SFTPD: variants seen among roughly 807,000 people sequenced by gnomAD.
SFTPD encodes pulmonary surfactant-associated protein D.
Under a neutral mutation model 34.6 loss-of-function variants are expected in SFTPD, and 18 were observed. The ratio of observed to expected loss-of-function variants is 0.52; its 90% confidence interval spans 0.36 to 0.77. SFTPD has a LOEUF of 0.77. SFTPD is among the 30% of genes least tolerant of loss of function. The pLI, the probability that SFTPD is intolerant of heterozygous loss-of-function variation, is 0.00. For synonymous variants in SFTPD, 155 were observed against 180.9 expected (o/e 0.86, Z 1.15); for missense variants, 433 against 468.9 (o/e 0.92, Z 0.71).
chr10:79,959,808 A>T (rs942096622), intron 1 of SFTPD, among the ~76,000 whole-genome samples: 2 of 152,200 alleles, frequency 1.3e-5, no homozygotes, highest in African/African-American at 4.8e-5. Flanking sequence ...GGCCAGCATC[A>T]TCTTGATACC....
chr10:79,956,544 C>T (rs897464859), intron 1 of SFTPD, among the ~76,000 whole-genome samples: 2 of 152,392 alleles, frequency 1.3e-5, no homozygotes, highest in Admixed American at 6.5e-5. Context: ...CACGGAGTCT[C>T]GCTGATTGCT....
intron 1 of SFTPD, among the ~76,000 whole-genome samples, chr10:79,980,819 G>C (rs888054924): frequency 1.5e-4 from 23 of 152,310 alleles, no homozygotes; most frequent in African/African-American, 5.5e-4. Context: ...CGATTACGAC[G>C]CTCATTTCCC....
rs964711174 is a variant in SFTPD at position 79,946,537 on chromosome 10, G to A, written c.123C>T (p.Ser41=). The part of the protein sequence containing the change: ...MPSACTLVMC[S]SVESGLPGRD... ...GACCAGGCAGGCCACTCTCCACTGA[G>A]CTACACATGACCAGGGTGCAAGCAC... The change falls in exon 2 of 8, where the codon AGC becomes AGT. Residue 41 remains serine (S), a synonymous_variant. Coordinates refer to ENST00000372292, the MANE Select transcript of SFTPD (RefSeq NM_003019.5). 2 of 1,614,046 alleles carry A rather than the reference G, an allele frequency of 1.2e-6. No individual in the cohort carries two copies. The highest frequency in any genetic ancestry group is 2.7e-5 in the African/African-American group (2 of 74,924).
chr10:79,957,090 C>T (rs971916773), intron 1 of SFTPD, among the ~76,000 whole-genome samples: 2 of 151,958 alleles, frequency 1.3e-5, no homozygotes, highest in Non-Finnish European at 2.9e-5. Flanking sequence ...AGCTGAGGGT[C>T]CTATCTGTTA....
chr10:79,966,819 A>G lies in SFTPD; in HGVS notation c.36+15756T>C, dbSNP rs1842805428. Among the ~76,000 whole-genome samples, 2 of 146,132 alleles carry G rather than the reference A, an allele frequency of 1.4e-5. 1 individual carries two copies. The highest frequency in any genetic ancestry group is 5.2e-5 in the African/African-American group (2 of 38,270). On this transcript the variant is annotated intron_variant, in intron 1 of 5. Coordinates refer to the SFTPD transcript ENST00000444384. ...CTACATATGGCTAGCCAGTTTTCCC[A>G]GCACCATTTATTAAATAGGGAATCC... is the stretch of plus-strand genomic sequence containing the variant.
At chr10:79,963,912 A>G (rs1229255548) in intron 1 of SFTPD, among the ~76,000 whole-genome samples, 1 of 151,864 alleles carries the variant, frequency 6.6e-6, no homozygotes, top group Admixed American at 6.6e-5. Flanking sequence ...TTTTATCTGT[A>G]TCTCTCTAAT....
Position 79,942,001 on chromosome 10 carries a change from C to A in SFTPD, c.503G>T (p.Arg168Leu). 1 of 1,613,964 alleles carries A rather than the reference C, an allele frequency of 6.2e-7. No homozygotes were observed. Among genetic ancestry groups the A allele is most frequent in the Non-Finnish European group, 8.5e-7 (1 of 1,179,874 alleles). ...GACTCCACGCTCACCAGGGACACCT[C>A]GCTCTCCCTTAGGGCCTGCGAGGCC... The part of the protein sequence containing the change: ...ARGLAGPKGE[R>L]GVPGERGVPG... Residue 168 changes from arginine (R) to leucine (L), a missense_variant, in exon 5 of 8, where the codon CGA (arginine) becomes CTA (leucine). Transcript: ENST00000372292.
chr10:79,941,834 C>G (rs1416481716), intron 5 of SFTPD, 120 bp downstream of exon 5: 1 of 741,804 alleles, frequency 1.3e-6, no homozygotes, highest in South Asian at 1.6e-5. Context: ...CAGATTCTCT[C>G]CATGTTCCAG....
chr10:79,944,598 C>T (rs1842647134), intron 2 of SFTPD, among the ~76,000 whole-genome samples: 1 of 152,074 alleles, frequency 6.6e-6, no homozygotes, highest in African/African-American at 2.4e-5. Context: ...AGAGGAGCAG[C>T]AGGGGTACAG....
chr10:79,952,948 G>T (rs1456235998), upstream of SFTPD, among the ~76,000 whole-genome samples: 1 of 152,152 alleles, frequency 6.6e-6, no homozygotes, highest in Non-Finnish European at 1.5e-5. Context: ...AGTGAGGGGA[G>T]CAACTTCCCC....
chr10:79,947,206 T>G lies in SFTPD; in HGVS notation c.-3-544A>C, dbSNP rs550120169. Among the ~76,000 whole-genome samples, 439 of 152,364 alleles carry G rather than the reference T, an allele frequency of 2.9e-3. 3 individuals carry two copies. Among genetic ancestry groups the G allele is most frequent in the African/African-American group, 9.9e-3 (412 of 41,580 alleles). On this transcript the variant is annotated intron_variant, in intron 1 of 7. Transcript: ENST00000372292. ...CCAGAGTCCTGAGTGCTTAGTAATG[T>G]CCTTCCTGAGCGCAGGCTGGGAGTG...
At chr10:79,981,232 A>G (rs925032205) in intron 1 of SFTPD, among the ~76,000 whole-genome samples, 4 of 152,154 alleles carry the variant, frequency 2.6e-5, no homozygotes, top group East Asian at 1.9e-4. Flanking sequence ...TTAACCAAGC[A>G]GAAGAAAGAA....
upstream of SFTPD, chr10:79,950,840 A>G (rs1473884230): frequency 2.0e-5 from 3 of 151,904 alleles, no homozygotes; most frequent in Non-Finnish European, 4.4e-5. Context: ...TGGTAACTTT[A>G]TGTAATTCTA....
At chr10:79,968,141 C>T (rs1472235738) in intron 1 of SFTPD, 2 of 151,918 alleles carry the variant, frequency 1.3e-5, no homozygotes, top group Non-Finnish European at 2.9e-5. Context: ...ATCGGGATAT[C>T]CATAACCTCA....
chr10:79,957,363 A>T (rs986480337), intron 1 of SFTPD, among the ~76,000 whole-genome samples: 2 of 152,224 alleles, frequency 1.3e-5, no homozygotes, highest in Non-Finnish European at 2.9e-5. Context: ...GAGCTACAGG[A>T]GGAAATTCAA....
intron 1 of SFTPD, chr10:79,970,704 G>A (rs1842830294): frequency 6.6e-6 from 1 of 150,686 alleles, no homozygotes; most frequent in Non-Finnish European, 1.5e-5. Flanking sequence ...GCTGATTTTT[G>A]TCTGCTAATT....
chr10:79,939,087 AG>A (rs529407088), intron 7 of SFTPD, among the ~76,000 whole-genome samples: 160 of 151,700 alleles, frequency 1.1e-3, no homozygotes, highest in South Asian at 4.6e-3. Context: ...ACTTCACAAA[AG>A]CTGTTGCGTG....
At chr10:79,957,184 AACC>A (rs56320786) in intron 1 of SFTPD, among the ~76,000 whole-genome samples, 22,089 of 151,936 alleles carry the variant, frequency 0.15, 2,009 homozygotes, top group East Asian at 0.41. Context: ...AAGTAGATAA[AACC>A]ACAAAGATGG....
At chr10:79,943,918 A>G (rs1842640813) in intron 2 of SFTPD, among the ~76,000 whole-genome samples, 2 of 152,224 alleles carry the variant, frequency 1.3e-5, no homozygotes, top group African/African-American at 4.8e-5. Context: ...AAGATGGACC[A>G]AGAGAAAAAT....
Sources: gnomAD v4.1 joint callset for allele counts (sites outside exome capture counted in the v4.1 genomes callset) on GRCh38, gnomAD v4.1.1 for gene constraint, MANE v1.5 for transcripts, NCBI Gene and HGNC (gene_info 2026-07-23, HGNC 2026-07-21) for gene names.